The following FBXO4 variants were observed in gnomAD, a reference collection of about 807,000 sequenced individuals.
FBXO4 encodes the protein F-box protein 4.
In FBXO4, 36 loss-of-function variants were observed where a neutral mutation model predicts 43.7. The observed-to-expected ratio is 0.82, with a 90% CI of 0.63 to 1.09. The LOEUF (loss-of-function observed/expected upper bound fraction) is 1.09. Among genes scored for constraint, FBXO4 ranks in the 50% least tolerant of loss-of-function variants. FBXO4 has a pLI of 0.00. For missense variants in FBXO4, 435 were observed against 474.1 expected, an observed-to-expected ratio of 0.92 and a Z score of 0.77; for synonymous variants, 180 against 165.6, an observed-to-expected ratio of 1.09 and a Z score of -0.67.
the FBXO4 span, among the ~76,000 whole-genome samples, chr5:42,033,939 G>T: frequency 3.1e-3 from 479 of 152,278 alleles, 4 homozygotes; most frequent in African/African-American, 0.011. Context: ...TCACCACACT[G>T]TATTCAGCAA....
At chr5:41,933,523 A>G (rs1751757536) in intron 3 of FBXO4, among the ~76,000 whole-genome samples, 1 of 151,986 alleles carries the variant, frequency 6.6e-6, no homozygotes, top group Admixed American at 6.5e-5. Flanking sequence ...TGCCCCCCCC[A>G]TCAATTTAAA....
chr5:41,932,334 A>G (rs1481866022), intron 3 of FBXO4, among the ~76,000 whole-genome samples: 1 of 152,170 alleles, frequency 6.6e-6, no homozygotes, highest in African/African-American at 2.4e-5. Context: ...GATCAGAAAC[A>G]TGGTAAAGTT....
downstream of FBXO4, among the ~76,000 whole-genome samples, chr5:41,942,025 A>C (rs1752013292): frequency 6.6e-6 from 1 of 152,094 alleles, no homozygotes; most frequent in African/African-American, 2.4e-5. Context: ...TCTCACTGGA[A>C]CTCAGCAATT....
chr5:41,936,207 C>A (rs1345730386), intron 5 of FBXO4, among the ~76,000 whole-genome samples: 3 of 152,080 alleles, frequency 2.0e-5, no homozygotes, highest in African/African-American at 7.2e-5. Flanking sequence ...TTGAACTGGA[C>A]CAGAGATGGT....
the FBXO4 span, among the ~76,000 whole-genome samples, chr5:42,005,572 T>C: frequency 6.6e-6 from 1 of 152,222 alleles, no homozygotes. Flanking sequence ...TGAACTTTTA[T>C]TGCATATTGG....
the FBXO4 span, among the ~76,000 whole-genome samples, chr5:42,039,740 A>T: frequency 6.6e-6 from 1 of 152,132 alleles, no homozygotes; most frequent in African/African-American, 2.4e-5. Context: ...GGCAAAGGTG[A>T]AAAGAATTTT....
chr5:41,978,178 A>G, the FBXO4 span, among the ~76,000 whole-genome samples: 2 of 152,130 alleles, frequency 1.3e-5, no homozygotes, highest in Non-Finnish European at 1.5e-5. Context: ...GCTCTTTTAA[A>G]CAACCACACC....
chr5:42,012,272 C>T, the FBXO4 span, among the ~76,000 whole-genome samples: 1 of 152,020 alleles, frequency 6.6e-6, no homozygotes, highest in Non-Finnish European at 1.5e-5. Context: ...GGCTAGAAAC[C>T]CTAGTTCTGT....
At chr5:41,978,857 A>G in the FBXO4 span, among the ~76,000 whole-genome samples, 1 of 152,220 alleles carries the variant, frequency 6.6e-6, no homozygotes, top group Admixed American at 6.5e-5. Context: ...ATTCCATCAT[A>G]CATCATGCTT....
chr5:42,027,763 A>C, the FBXO4 span, among the ~76,000 whole-genome samples: 1 of 151,382 alleles, frequency 6.6e-6, no homozygotes, highest in Non-Finnish European at 1.5e-5. Context: ...TTTGTTTCAA[A>C]GCATTTTCTA....
chr5:41,981,945 T>G, the FBXO4 span, among the ~76,000 whole-genome samples: 1 of 144,220 alleles, frequency 6.9e-6, no homozygotes, highest in Non-Finnish European at 1.5e-5. Context: ...TTCCCCTTCC[T>G]GTGCCCAAGT....
At chr5:41,942,287 G>A (rs1419740880), downstream of FBXO4, among the ~76,000 whole-genome samples, 1 of 151,968 alleles carries the variant, frequency 6.6e-6, no homozygotes, top group Non-Finnish European at 1.5e-5. Flanking sequence ...TTGTCAGAAT[G>A]TTTACTTAGA....
At chr5:41,944,516 A>T (rs949622453), downstream of FBXO4, among the ~76,000 whole-genome samples, 6 of 152,212 alleles carry the variant, frequency 3.9e-5, no homozygotes, top group African/African-American at 1.4e-4. Flanking sequence ...ATGATTCTTT[A>T]CCATCATGAT....
chr5:42,021,166 A>G, the FBXO4 span, among the ~76,000 whole-genome samples: 78 of 152,192 alleles, frequency 5.1e-4, no homozygotes, highest in African/African-American at 2.4e-5. Context: ...TGGCTGCTAT[A>G]TAGAAAATAG....
chr5:42,003,550 A>C, the FBXO4 span, among the ~76,000 whole-genome samples: 3 of 152,174 alleles, frequency 2.0e-5, no homozygotes, highest in Non-Finnish European at 2.9e-5. Flanking sequence ...TTTAAGTTCT[A>C]GGGTACATGT....
chr5:41,994,406 G>C, the FBXO4 span, among the ~76,000 whole-genome samples: 1 of 152,194 alleles, frequency 6.6e-6, no homozygotes, highest in Non-Finnish European at 1.5e-5. Flanking sequence ...GTGGTAGCTT[G>C]TATTGATGAC....
chr5:42,038,068 C>T, the FBXO4 span, among the ~76,000 whole-genome samples: 3 of 152,170 alleles, frequency 2.0e-5, no homozygotes, highest in South Asian at 6.2e-4. Flanking sequence ...ATCTCCTTGA[C>T]GGTGTGCCCG....
the FBXO4 span, among the ~76,000 whole-genome samples, chr5:41,958,773 T>C: frequency 6.6e-6 from 1 of 152,340 alleles, no homozygotes; most frequent in South Asian, 2.1e-4. Flanking sequence ...TATATACACA[T>C]AGAATTTTTT....
At chr5:41,958,837 T>C in the FBXO4 span, among the ~76,000 whole-genome samples, 2 of 152,242 alleles carry the variant, frequency 1.3e-5, no homozygotes, top group Non-Finnish European at 2.9e-5. Flanking sequence ...TTGGCTGTTG[T>C]AAATAATGCT....
Sources: allele counts gnomAD v4.1 joint callset (sites outside exome capture counted in the v4.1 genomes callset), GRCh38; gene constraint gnomAD v4.1.1; transcripts MANE v1.5; gene names NCBI Gene and HGNC (gene_info 2026-07-23, HGNC 2026-07-21).